CNTNAP2: variants seen among roughly 807,000 people sequenced by gnomAD.
The protein encoded by CNTNAP2 is contactin-associated protein-like 2.
CNTNAP2 carries 98 observed loss-of-function variants against 155.2 expected under a neutral mutation model. The ratio of observed to expected loss-of-function variants is 0.63; its 90% CI spans 0.54 to 0.75. The LOEUF (loss-of-function observed/expected upper bound fraction) is 0.75, where lower values mean the gene tolerates loss of function less well. CNTNAP2 is among the 30% of genes least tolerant of loss of function. The pLI is 0.00. For synonymous variants in CNTNAP2, 651 were observed against 631.2 expected, an observed-to-expected ratio of 1.03 and a Z score of -0.47; for missense variants, 1,727 against 1,688.1, an observed-to-expected ratio of 1.02 and a Z score of -0.40.
chr7:146,167,835 A>G (rs1798335132), intron 1 of CNTNAP2, among the ~76,000 whole-genome samples: 1 of 152,164 alleles, frequency 6.6e-6, no homozygotes, highest in South Asian at 2.1e-4. Context: ...GGCCATCTGT[A>G]AGCTGAGAGG....
chr7:146,611,071 T>G (rs1190572000), intron 1 of CNTNAP2, among the ~76,000 whole-genome samples: 1 of 152,222 alleles, frequency 6.6e-6, no homozygotes, highest in Non-Finnish European at 1.5e-5. Flanking sequence ...ATGATAGTTG[T>G]GTATTTATAA....
chr7:146,861,688 C>T (rs190421765), intron 3 of CNTNAP2, among the ~76,000 whole-genome samples: 219 of 152,216 alleles, frequency 1.4e-3, no homozygotes, highest in African/African-American at 4.9e-3. Flanking sequence ...CAAACATAAA[C>T]TGCTTCTCAG....
At chr7:147,545,059 A>C (rs1290894589) in intron 11 of CNTNAP2, among the ~76,000 whole-genome samples, 1 of 152,194 alleles carries the variant, frequency 6.6e-6, no homozygotes, top group African/African-American at 2.4e-5. Context: ...ATATGTATGT[A>C]TACATATACA....
At chr7:148,103,033 G>A (rs192141964) in intron 15 of CNTNAP2, among the ~76,000 whole-genome samples, 1 of 152,204 alleles carries the variant, frequency 6.6e-6, no homozygotes, top group Non-Finnish European at 1.5e-5. Flanking sequence ...ATGGGGAGGG[G>A]GCTTCCAGGT....
chr7:147,838,500 C>T (rs1240174877), intron 13 of CNTNAP2, among the ~76,000 whole-genome samples: 1 of 152,160 alleles, frequency 6.6e-6, no homozygotes, highest in Non-Finnish European at 1.5e-5. Context: ...CAAGTCACCT[C>T]TTCAATGTTT....
chr7:147,713,667 T>C (rs1796436610), intron 13 of CNTNAP2, among the ~76,000 whole-genome samples: 1 of 152,134 alleles, frequency 6.6e-6, no homozygotes, highest in Non-Finnish European at 1.5e-5. Context: ...GGGAGTGGGA[T>C]TGCTGGATTG....
chr7:147,994,369 C>CAAA (rs71527864), intron 15 of CNTNAP2, among the ~76,000 whole-genome samples: 5 of 132,362 alleles, frequency 3.8e-5, no homozygotes, highest in East Asian at 2.2e-4. Flanking sequence ...AGACCTGTCT[C>CAAA]AAAAAAAAAA....
intron 1 of CNTNAP2, among the ~76,000 whole-genome samples, chr7:146,468,507 C>T (rs1043869542): frequency 2.6e-5 from 4 of 151,880 alleles, no homozygotes; most frequent in African/African-American, 9.7e-5. Context: ...GTGTACAACC[C>T]AGTCTAATGA....
chr7:147,764,227 C>T (rs990012386), intron 13 of CNTNAP2, among the ~76,000 whole-genome samples: 6 of 152,172 alleles, frequency 3.9e-5, no homozygotes, highest in Non-Finnish European at 8.8e-5. Flanking sequence ...AGCCCAGCCT[C>T]TACAGTGTAG....
chr7:146,756,354 C>A (rs922402224), intron 1 of CNTNAP2, among the ~76,000 whole-genome samples: 2 of 151,944 alleles, frequency 1.3e-5, no homozygotes, highest in African/African-American at 4.8e-5. Flanking sequence ...TCATTGAACT[C>A]TCCATTAGCA....
At chr7:148,163,242 A>G (rs1805585053) in intron 17 of CNTNAP2, among the ~76,000 whole-genome samples, 1 of 152,204 alleles carries the variant, frequency 6.6e-6, no homozygotes, top group Admixed American at 6.5e-5. Flanking sequence ...TACTGGCTAT[A>G]TGACAGCAAA....
chr7:148,046,719 A>G (rs1176897545), intron 15 of CNTNAP2, among the ~76,000 whole-genome samples: 2 of 152,236 alleles, frequency 1.3e-5, no homozygotes, highest in Non-Finnish European at 2.9e-5. Flanking sequence ...GAATGCATTT[A>G]ATTAGTATTT....
intron 8 of CNTNAP2, among the ~76,000 whole-genome samples, chr7:147,137,494 A>T (rs1228593624): frequency 6.6e-6 from 1 of 151,812 alleles, no homozygotes; most frequent in Non-Finnish European, 1.5e-5. Context: ...CAAAAACAAT[A>T]TGCTACAAAA....
intron 11 of CNTNAP2, among the ~76,000 whole-genome samples, chr7:147,538,225 G>A (rs1799581637): frequency 6.6e-6 from 1 of 152,220 alleles, no homozygotes; most frequent in South Asian, 2.1e-4. Context: ...TGAATCAAAT[G>A]TGGTTGTTGG....
chr7:147,351,805 T>C (rs1287679187), intron 9 of CNTNAP2, among the ~76,000 whole-genome samples: 6 of 151,814 alleles, frequency 4.0e-5, no homozygotes. Flanking sequence ...CAATGGTAGC[T>C]AAAGAGCAGA....
chr7:147,351,567 A>C (rs1164433280), intron 9 of CNTNAP2, among the ~76,000 whole-genome samples: 1 of 151,850 alleles, frequency 6.6e-6, no homozygotes, highest in African/African-American at 2.4e-5. Flanking sequence ...GTATTTCTGT[A>C]ATTAACATTT....
chr7:147,953,809 C>A (rs1375279625), intron 14 of CNTNAP2, among the ~76,000 whole-genome samples: 2 of 152,180 alleles, frequency 1.3e-5, no homozygotes, highest in African/African-American at 4.8e-5. Flanking sequence ...TCGCTCCAAC[C>A]TCAGCCTCTC....
chr7:147,845,223 G>C, intron 13 of CNTNAP2, among the ~76,000 whole-genome samples: 1 of 106,548 alleles, frequency 9.4e-6, no homozygotes, highest in African/African-American at 3.5e-5. Flanking sequence ...TCCATCTGGT[G>C]CTGGACTCTT....
chr7:147,639,252 T>G lies in CNTNAP2; in HGVS notation c.2044T>G (p.Cys682Gly), dbSNP rs1193166211. Residue 682 changes from cysteine to glycine, a missense_variant, in exon 13 of 24, where the codon TGC becomes GGC. By Grantham distance (159) the Cys-to-Gly change is radical (BLOSUM62 -3). Coordinates refer to ENST00000361727, the MANE Select transcript of CNTNAP2 (RefSeq NM_014141.6). ...ISAITDSAEY[C>G]EQYVSYFCKM... is the part of the protein sequence containing the mutation. The stretch of plus-strand genomic sequence containing the variant: ...TGCCATCACTGACAGTGCCGAGTAC[T>G]GCGAGCAGTATGTCTCCTATTTCTG... 6.2e-7 allele frequency: 1 copy of G among 1,614,146 alleles called. No individual in the cohort carries two copies. The highest frequency in any genetic ancestry group is 8.5e-7 in the Non-Finnish European group (1 of 1,180,008).
Sources: allele counts gnomAD v4.1 joint callset (sites outside exome capture counted in the v4.1 genomes callset), GRCh38; gene constraint gnomAD v4.1.1; transcripts MANE v1.5; gene names NCBI Gene and HGNC (gene_info 2026-07-23, HGNC 2026-07-21).